ERC2: variants seen among roughly 807,000 people sequenced by gnomAD.
ERC2 encodes the protein ELKS/RAB6-interacting/CAST family member 2.
A neutral mutation model predicts 114.8 loss-of-function variants in ERC2; 42 were observed. That is an observed-to-expected ratio of 0.37 (90% CI 0.29 to 0.47). ERC2 has a LOEUF of 0.47. ERC2 is among the 20% of genes least tolerant of loss of function. The pLI is 0.99. For synonymous variants in ERC2, 454 were observed against 425.5 expected, an observed-to-expected ratio of 1.07 and a Z score of -0.82; for missense variants, 939 against 1,150.7, an observed-to-expected ratio of 0.82 and a Z score of 2.66.
rs750427141 is a variant in ERC2 at position 56,260,279 on chromosome 3, C to G, written c.1074+35740G>C. ...TAAGTCCTGGGACTCTCTGCCACTG[C>G]CAAACATCTTCTTATGGGAAGCAGA... On this transcript the variant is annotated intron_variant, in intron 3 of 17. Transcript: ENST00000288221. Among the ~76,000 whole-genome samples, 33 of 152,126 alleles carry G rather than the reference C, an allele frequency of 2.2e-4. 1 individual carries two copies. The highest frequency in any genetic ancestry group is 3.7e-4 in the Non-Finnish European group (25 of 68,016).
At chr3:55,926,101 C>G (rs1235760219) in intron 13 of ERC2, among the ~76,000 whole-genome samples, 1 of 152,112 alleles carries the variant, frequency 6.6e-6, no homozygotes, top group Non-Finnish European at 1.5e-5. Context: ...ATTTCTACAA[C>G]TTTTAAAATA....
chr3:55,873,814 C>A (rs1325859313), intron 14 of ERC2, among the ~76,000 whole-genome samples: 1 of 152,172 alleles, frequency 6.6e-6, no homozygotes, highest in Non-Finnish European at 1.5e-5. Context: ...CTCCCAGACA[C>A]ATCTCAGGGT....
At chr3:55,863,926 C>G (rs1435674125) in intron 14 of ERC2, among the ~76,000 whole-genome samples, 3 of 151,204 alleles carry the variant, frequency 2.0e-5, no homozygotes, top group Non-Finnish European at 1.5e-5. Context: ...GGCTACAGTA[C>G]TGGATAGCAC....
intron 2 of ERC2, among the ~76,000 whole-genome samples, chr3:56,376,088 C>T (rs1175857001): frequency 6.6e-6 from 1 of 152,198 alleles, no homozygotes; most frequent in Non-Finnish European, 1.5e-5. Flanking sequence ...CCCCAGGTGG[C>T]ACATTGATTG....
intron 14 of ERC2, among the ~76,000 whole-genome samples, chr3:55,848,497 C>G (rs1207038764): frequency 6.6e-6 from 1 of 152,208 alleles, no homozygotes; most frequent in East Asian, 1.9e-4. Flanking sequence ...TTCCCTGTGG[C>G]TCCAAATTCC....
At chr3:56,434,028 A>G (rs1342705216) in intron 2 of ERC2, 2 of 316,280 alleles carry the variant, frequency 6.3e-6, no homozygotes, top group Non-Finnish European at 1.2e-5. Flanking sequence ...AAGGAGGTAC[A>G]TCTGAACAGC....
chr3:56,288,858 T>A (rs1220979935), intron 3 of ERC2, among the ~76,000 whole-genome samples: 1 of 152,192 alleles, frequency 6.6e-6, no homozygotes, highest in Non-Finnish European at 1.5e-5. Context: ...CAAAATCAGA[T>A]GCTTACTCGG....
chr3:56,375,832 G>T (rs994725291), intron 2 of ERC2, among the ~76,000 whole-genome samples: 3 of 152,164 alleles, frequency 2.0e-5, no homozygotes, highest in Non-Finnish European at 4.4e-5. Context: ...ATTTCTGCCA[G>T]CTTACATCCT....
At chr3:55,985,177 T>G (rs931769342) in intron 12 of ERC2, among the ~76,000 whole-genome samples, 4 of 152,230 alleles carry the variant, frequency 2.6e-5, no homozygotes, top group Non-Finnish European at 5.9e-5. Context: ...CTATGTTTTA[T>G]TGGAAAGAGA....
At chr3:55,861,319 A>C (rs1404846121) in intron 14 of ERC2, among the ~76,000 whole-genome samples, 1 of 152,224 alleles carries the variant, frequency 6.6e-6, no homozygotes, top group Non-Finnish European at 1.5e-5. Flanking sequence ...AAGCCAGCGC[A>C]GCTGGTTGCA....
chr3:55,667,471 C>A (rs971972331), intron 17 of ERC2, among the ~76,000 whole-genome samples: 2 of 152,168 alleles, frequency 1.3e-5, no homozygotes, highest in Non-Finnish European at 2.9e-5. Context: ...CAAGAGTTTC[C>A]TTCTACATTG....
intron 13 of ERC2, among the ~76,000 whole-genome samples, chr3:55,911,042 C>T (rs144465352): frequency 4.6e-5 from 7 of 152,308 alleles, no homozygotes; most frequent in African/African-American, 7.2e-5. Context: ...TCCCTCCCTG[C>T]GCTCTGTCCC....
chr3:56,231,470 C>T (rs2050613278), intron 3 of ERC2, among the ~76,000 whole-genome samples: 1 of 152,226 alleles, frequency 6.6e-6, no homozygotes. Context: ...AAGCCACCAC[C>T]TGCCATTGTG....
intron 14 of ERC2, among the ~76,000 whole-genome samples, chr3:55,851,608 C>T (rs2061575205): frequency 6.6e-6 from 1 of 152,134 alleles, no homozygotes; most frequent in African/African-American, 2.4e-5. Context: ...GTTTTAGATA[C>T]TTGTTCCTCA....
chr3:55,575,365 C>G (rs2056923556), intron 17 of ERC2, among the ~76,000 whole-genome samples: 1 of 152,154 alleles, frequency 6.6e-6, no homozygotes. Context: ...TCTGACCACC[C>G]CAGGGTTCTT....
intron 1 of ERC2, among the ~76,000 whole-genome samples, chr3:56,444,630 G>T (rs966365532): frequency 6.6e-6 from 1 of 152,132 alleles, no homozygotes; most frequent in Admixed American, 6.5e-5. Context: ...AAAAAGCAGG[G>T]GAGAACCTTG....
chr3:55,903,150 C>A (rs942480804), intron 13 of ERC2, among the ~76,000 whole-genome samples: 1 of 152,172 alleles, frequency 6.6e-6, no homozygotes, highest in Non-Finnish European at 1.5e-5. Flanking sequence ...CTGTATCATG[C>A]TTTGGAAATA....
intron 16 of ERC2, among the ~76,000 whole-genome samples, chr3:55,691,463 G>A (rs1156971609): frequency 2.1e-5 from 3 of 142,472 alleles, no homozygotes; most frequent in Non-Finnish European, 4.5e-5. Context: ...ATGGGTTGTT[G>A]AATCTGAAGG....
intron 1 of ERC2, among the ~76,000 whole-genome samples, chr3:56,467,866 G>T (rs1419940106): frequency 1.3e-5 from 2 of 151,746 alleles, no homozygotes; most frequent in African/African-American, 4.8e-5. Flanking sequence ...CCCACCCCTC[G>T]AGGCAAGAGG....
Sources: allele counts gnomAD v4.1 joint callset (sites outside exome capture counted in the v4.1 genomes callset), GRCh38; gene constraint gnomAD v4.1.1; transcripts MANE v1.5; gene names NCBI Gene and HGNC (gene_info 2026-07-23, HGNC 2026-07-21).